CYB5R3: variants seen among roughly 807,000 people sequenced by gnomAD.
CYB5R3 encodes the protein NADH-cytochrome b5 reductase 3.
Under a neutral mutation model 36.5 loss-of-function variants are expected in CYB5R3, and 28 were observed. That is an observed-to-expected ratio of 0.77 (90% CI 0.57 to 1.05). The LOEUF is 1.05. Ranked by LOEUF, CYB5R3 falls within the 50% of genes least tolerant of loss-of-function variation. The pLI is 0.00. For synonymous variants in CYB5R3, 181 were observed against 159.8 expected (o/e 1.13, Z -1.00); for missense variants, 474 against 408.9 (o/e 1.16, Z -1.37).
At chr22:42,622,339 C>T (rs1928022507) in intron 8 of CYB5R3, among the ~76,000 whole-genome samples, 1 of 152,140 alleles carries the variant, frequency 6.6e-6, no homozygotes, top group Non-Finnish European at 1.5e-5. Flanking sequence ...GGAACCCCGC[C>T]ACCATAACCG....
intron 7 of CYB5R3, among the ~76,000 whole-genome samples, chr22:42,626,595 ATCT>A (rs1928280317): frequency 6.6e-6 from 1 of 152,184 alleles, no homozygotes; most frequent in South Asian, 2.1e-4. Context: ...TGGCAAGGCC[ATCT>A]TGGTTGGCCT....
chr22:42,627,320 A>C lies in CYB5R3; in HGVS notation c.617T>G (p.Leu206Arg). Residue 206 changes from leucine (L) to arginine (R), a missense_variant, in exon 7 of 9, where the codon CTG (leucine) becomes CGG (arginine). Coordinates refer to ENST00000352397, the MANE Select transcript of CYB5R3 (RefSeq NM_000398.7). ...CCCACTGACCTGGTTGGCAAAGAGC[A>C]GGTGGCACACAGTGTGGTCATCAGG... The part of the protein sequence containing the change: ...KDPDDHTVCH[L>R]LFANQTEKDI... The C allele has an allele frequency of 6.2e-7, 1 of 1,613,996 alleles. No homozygotes were observed. The highest frequency in any genetic ancestry group is 8.5e-7 in the Non-Finnish European group (1 of 1,179,962).
chr22:42,643,324 C>T (rs8190413), intron 1 of CYB5R3, among the ~76,000 whole-genome samples: 23,961 of 152,082 alleles, frequency 0.16, 2,558 homozygotes, highest in East Asian at 0.58. Context: ...TGGGAAGTCC[C>T]GGCTCACACA....
intron 7 of CYB5R3, among the ~76,000 whole-genome samples, chr22:42,624,612 T>A (rs1043730394): frequency 1.6e-5 from 2 of 122,826 alleles, no homozygotes; most frequent in Non-Finnish European, 3.4e-5. Flanking sequence ...CCACCCCCGT[T>A]CCACCTCTGA....
intron 4 of CYB5R3, among the ~76,000 whole-genome samples, chr22:42,629,847 G>C (rs776521951): frequency 7.2e-5 from 11 of 152,156 alleles, no homozygotes; most frequent in African/African-American, 2.4e-4. Context: ...GCCCAGGCTG[G>C]AGTACAGTAG....
chr22:42,627,580 C>A, intron 6 of CYB5R3, 25 bp downstream of exon 6: 1 of 1,601,280 alleles, frequency 6.2e-7, no homozygotes. Flanking sequence ...AGCCGCCGGA[C>A]GCCTCAGTGG....
At chr22:42,636,307 C>T (rs981505307) in intron 2 of CYB5R3, among the ~76,000 whole-genome samples, 1 of 152,128 alleles carries the variant, frequency 6.6e-6, no homozygotes, top group African/African-American at 2.4e-5. Flanking sequence ...CCCAGGGAAT[C>T]TGCACAGATG....
intron 2 of CYB5R3, among the ~76,000 whole-genome samples, chr22:42,634,262 G>A (rs891346903): frequency 6.6e-6 from 1 of 151,378 alleles, no homozygotes; most frequent in Non-Finnish European, 1.5e-5. Context: ...TTGGGAAGCT[G>A]AGGCAGGAGA....
At chr22:42,631,508 C>T in intron 2 of CYB5R3, 58 bp from the exon 3 acceptor site, 1 of 1,470,558 alleles carries the variant, frequency 6.8e-7, no homozygotes, top group Non-Finnish European at 9.3e-7. Context: ...CCCAGGGCGG[C>T]TCCCAGGCCT....
At chr22:42,628,710 C>T (rs1928443952) in intron 4 of CYB5R3, among the ~76,000 whole-genome samples, 1 of 152,220 alleles carries the variant, frequency 6.6e-6, no homozygotes, top group African/African-American at 2.4e-5. Context: ...AAACCTCCCT[C>T]ACTCTTGGGA....
chr22:42,643,795 G>C (rs1929403536), intron 1 of CYB5R3, among the ~76,000 whole-genome samples: 1 of 152,178 alleles, frequency 6.6e-6, no homozygotes, highest in Non-Finnish European at 1.5e-5. Flanking sequence ...TTGAGTCCCA[G>C]CTAAGGATGG....
At chr22:42,634,555 T>C (rs1725554964) in intron 2 of CYB5R3, among the ~76,000 whole-genome samples, 1 of 152,044 alleles carries the variant, frequency 6.6e-6, no homozygotes, top group South Asian at 2.1e-4. Flanking sequence ...CAAGCGATTC[T>C]CCTGCCTCAG....
chr22:42,619,728 G>C lies in CYB5R3; in HGVS notation c.*45C>G, dbSNP rs144204753. 1.9e-4 allele frequency: 296 copies of C among 1,525,624 alleles called. No homozygotes were observed. In the African/African-American group the frequency reaches 3.8e-3, roughly 19 times the overall value. 94.5% of individuals were successfully genotyped at this position (1,525,624 alleles called of 1,614,324 possible). On this transcript the variant is annotated 3_prime_UTR_variant, in exon 9 of 9. Coordinates refer to ENST00000352397, the MANE Select transcript of CYB5R3 (RefSeq NM_000398.7). ...AGGTGACTGGGTGAGCGTGAACAGG[G>C]CGTGGGGTGCGCGGGGCGGGTGGCC...
At chr22:42,621,145 A>G (rs1299560237) in intron 8 of CYB5R3, among the ~76,000 whole-genome samples, 1 of 151,996 alleles carries the variant, frequency 6.6e-6, no homozygotes, top group African/African-American at 2.4e-5. Flanking sequence ...ATGTGCAGGT[A>G]TGTAAGACAC....
chr22:42,631,791 C>G, intron 2 of CYB5R3: 1 of 389,884 alleles, frequency 2.6e-6, no homozygotes, highest in Non-Finnish European at 4.8e-6. Context: ...TCAGCTCAAG[C>G]AGTGGCCTGA....
intron 1 of CYB5R3, among the ~76,000 whole-genome samples, chr22:42,637,510 G>A: frequency 6.6e-6 from 1 of 152,166 alleles, no homozygotes; most frequent in East Asian, 1.9e-4. Context: ...CTGGGGTTCT[G>A]CCATCAGGTG....
Position 42,619,774 on chromosome 22 carries a change from C to T in CYB5R3, c.905G>A (p.Ter302=). The change falls in exon 9 of 9, where the codon TGA becomes TAA. Residue 302 remains the stop codon, a stop_retained_variant. Coordinates refer to ENST00000352397, the MANE Select transcript of CYB5R3 (RefSeq NM_000398.7). ...GHPTERCFVF[*] The stretch of plus-strand genomic sequence containing the variant: ...TGGCCGTGTGACCGTGCCCGGCCCT[C>T]AGAAGACGAAGCAGCGCTCCGTGGG... 6.3e-7 allele frequency: 1 copy of T among 1,577,820 alleles called. No homozygotes were observed. The highest frequency in any genetic ancestry group is 8.6e-7 in the Non-Finnish European group (1 of 1,165,052).
At position 42,647,574 on chromosome 22, in the gene CYB5R3, C is replaced by T. The variant is rs137141; in HGVS notation, c.21+1721G>A. Among the ~76,000 whole-genome samples the T allele has an allele frequency of 5.8e-3, 185 of 32,086 alleles. 1 individual carries two copies. Among genetic ancestry groups the T allele is most frequent in the South Asian group, 0.014 (10 of 728 alleles). 21.0% of individuals were successfully genotyped at this position (32,086 alleles called of 152,430 possible). A position where few individuals can be genotyped will look rare whatever the true frequency, so the allele number is the denominator to read the frequency against. Reference sequence around the variant, plus strand: ...ACCAGCTTGGCCAAGATGGCGAAGCCCAGGTGTGATGGCGAGTGCCTGTAA... The same window carrying T: ...ACCAGCTTGGCCAAGATGGCGAAGCTCAGGTGTGATGGCGAGTGCCTGTAA... On this transcript the variant is annotated intron_variant, in intron 1 of 8. Transcript: ENST00000352397.
At chr22:42,625,743 C>T (rs1249944479) in intron 7 of CYB5R3, among the ~76,000 whole-genome samples, 4 of 151,992 alleles carry the variant, frequency 2.6e-5, no homozygotes, top group South Asian at 2.1e-4. Context: ...CCGACTGGCA[C>T]GGTTCTCGGA....
Sources: allele counts gnomAD v4.1 joint callset (sites outside exome capture counted in the v4.1 genomes callset), GRCh38; gene constraint gnomAD v4.1.1; transcripts MANE v1.5; gene names NCBI Gene and HGNC (gene_info 2026-07-23, HGNC 2026-07-21).